IFNG-AS1: variants seen among roughly 807,000 people sequenced by gnomAD.
The protein encoded by IFNG-AS1 is IFNG regulatory antisense RNA 1.
intron 1 of IFNG-AS1, among the ~76,000 whole-genome samples, chr12:67,992,406 T>C (rs1311421178): frequency 6.6e-6 from 1 of 152,208 alleles, no homozygotes; most frequent in Non-Finnish European, 1.5e-5. Context: ...TGTTGCAACA[T>C]AGCCCTCTCA....
chr12:67,999,584 T>C (rs1219478708), intron 2 of IFNG-AS1, among the ~76,000 whole-genome samples: 1 of 152,076 alleles, frequency 6.6e-6, no homozygotes, highest in Non-Finnish European at 1.5e-5. Context: ...AATAATGGAG[T>C]ATAGCATATA....
chr12:67,991,017 T>C (rs764588607), intron 1 of IFNG-AS1, among the ~76,000 whole-genome samples: 3 of 152,208 alleles, frequency 2.0e-5, no homozygotes, highest in African/African-American at 7.2e-5. Flanking sequence ...AATATGAACA[T>C]GCTATAGTTT....
At chr12:68,012,313 C>G (rs1880050697) in intron 3 of IFNG-AS1, among the ~76,000 whole-genome samples, 1 of 152,082 alleles carries the variant, frequency 6.6e-6, no homozygotes, top group Non-Finnish European at 1.5e-5. Context: ...CATGCTTTGC[C>G]CCATATGAGG....
intron 2 of IFNG-AS1, among the ~76,000 whole-genome samples, chr12:68,002,982 A>C (rs898652725): frequency 6.6e-6 from 1 of 152,230 alleles, no homozygotes; most frequent in East Asian, 1.9e-4. Context: ...TTTATTCTAG[A>C]TATAAGGACT....
At chr12:68,002,631 A>T (rs1303901314) in intron 2 of IFNG-AS1, among the ~76,000 whole-genome samples, 1 of 152,166 alleles carries the variant, frequency 6.6e-6, no homozygotes, top group Non-Finnish European at 1.5e-5. Context: ...TTAGACATAG[A>T]CCCAACTGGT....
At chr12:67,990,739 C>T (rs1244986223) in intron 1 of IFNG-AS1, among the ~76,000 whole-genome samples, 1 of 152,012 alleles carries the variant, frequency 6.6e-6, no homozygotes, top group Admixed American at 6.6e-5. Context: ...ATTACAGGTG[C>T]CTGTCACCAT....
chr12:67,992,656 T>C (rs996554436), intron 1 of IFNG-AS1, among the ~76,000 whole-genome samples: 2 of 152,216 alleles, frequency 1.3e-5, no homozygotes, highest in African/African-American at 2.4e-5. Flanking sequence ...AATACTGAAG[T>C]AAAATCTCTA....
intron 3 of IFNG-AS1, among the ~76,000 whole-genome samples, chr12:68,008,143 G>A (rs2870962): frequency 0.21 from 31,696 of 152,102 alleles, 3,709 homozygotes; most frequent in East Asian, 0.49. Flanking sequence ...ACAGCCAGGC[G>A]CAGTGGCTCA....
At chr12:68,017,373 C>A (rs2120481664) in intron 3 of IFNG-AS1, among the ~76,000 whole-genome samples, 1 of 152,196 alleles carries the variant, frequency 6.6e-6, no homozygotes, top group Non-Finnish European at 1.5e-5. Flanking sequence ...ATCACTGTAG[C>A]AGTGATTTGG....
At chr12:68,002,946 T>G (rs144589854) in intron 2 of IFNG-AS1, among the ~76,000 whole-genome samples, 1 of 152,240 alleles carries the variant, frequency 6.6e-6, no homozygotes, top group Non-Finnish European at 1.5e-5. Context: ...ATAATCATCT[T>G]GACAATTTAG....
At chr12:67,994,217 C>T (rs1180204793) in intron 1 of IFNG-AS1, among the ~76,000 whole-genome samples, 1 of 152,200 alleles carries the variant, frequency 6.6e-6, no homozygotes, top group Non-Finnish European at 1.5e-5. Context: ...GCTTCCTGCC[C>T]CTCCTTCAGA....
In IFNG-AS1 at chr12:67,999,403, C is replaced by A. The variant is rs139596403; in HGVS notation, n.184+3330C>A. On this transcript the variant is annotated intron_variant and non_coding_transcript_variant, in intron 2 of 5. Coordinates refer to ENST00000536914, the Ensembl canonical transcript of IFNG-AS1. ...CCTTGAGAAATGACTGAGCTCATGG[C>A]TGGGGCAGGGAAAGTACTGTGTAAG... is the stretch of plus-strand genomic sequence containing the variant. 4.2e-3 allele frequency among the ~76,000 whole-genome samples: 643 copies of A among 152,174 alleles called. 5 individuals are homozygous for A. Among genetic ancestry groups the A allele is most frequent in the African/African-American group, 0.015 (617 of 41,512 alleles).
intron 3 of IFNG-AS1, among the ~76,000 whole-genome samples, chr12:68,009,297 T>C (rs755635740): frequency 2.6e-5 from 4 of 152,218 alleles, no homozygotes; most frequent in East Asian, 3.8e-4. Flanking sequence ...TATCAGAATA[T>C]ATATTTTGTC....
At chr12:68,002,479 C>T (rs528238598) in intron 2 of IFNG-AS1, among the ~76,000 whole-genome samples, 1 of 152,308 alleles carries the variant, frequency 6.6e-6, no homozygotes, top group South Asian at 2.1e-4. Context: ...CACGTAAGCC[C>T]CTTACCCTTT....
At chr12:67,998,102 C>T (rs1429594881) in intron 2 of IFNG-AS1, among the ~76,000 whole-genome samples, 1 of 152,044 alleles carries the variant, frequency 6.6e-6, no homozygotes, top group Middle Eastern at 3.2e-3. Flanking sequence ...TACACATACA[C>T]TTATTTTTTA....
At chr12:67,997,640 G>T (rs1879674127) in intron 2 of IFNG-AS1, among the ~76,000 whole-genome samples, 1 of 149,160 alleles carries the variant, frequency 6.7e-6, no homozygotes, top group African/African-American at 2.5e-5. Context: ...AAAAAAAAAA[G>T]ATTGACGAGT....
intron 3 of IFNG-AS1, among the ~76,000 whole-genome samples, chr12:68,019,231 A>C (rs1880228980): frequency 1.3e-5 from 2 of 152,156 alleles, no homozygotes; most frequent in Admixed American, 6.5e-5. Context: ...TGCTCATTAA[A>C]GTTAATAATG....
chr12:68,017,271 G>A (rs189488588), intron 3 of IFNG-AS1, among the ~76,000 whole-genome samples: 7 of 152,286 alleles, frequency 4.6e-5, no homozygotes, highest in African/African-American at 9.6e-5. Flanking sequence ...GGGCTTAACC[G>A]TGCAGAGCCT....
intron 3 of IFNG-AS1, among the ~76,000 whole-genome samples, chr12:68,017,536 T>A (rs1256063469): frequency 6.6e-6 from 1 of 152,074 alleles, no homozygotes; most frequent in African/African-American, 2.4e-5. Context: ...ATAAACTGGA[T>A]GTGGAAGATA....
Sources: gnomAD v4.1 joint callset for allele counts (sites outside exome capture counted in the v4.1 genomes callset) on GRCh38, gnomAD v4.1.1 for gene constraint, MANE v1.5 for transcripts, NCBI Gene and HGNC (gene_info 2026-07-23, HGNC 2026-07-21) for gene names.